Variants in RIN3 observed in about 807,000 individuals in gnomAD.
RIN3 encodes Ras and Rab interactor 3.
RIN3 carries 54 observed loss-of-function variants against 76.3 expected under a neutral mutation model. The ratio of observed to expected loss-of-function variants is 0.71; its 90% CI spans 0.57 to 0.89. The LOEUF is 0.89. Ranked by LOEUF, RIN3 falls within the 40% of genes least tolerant of loss-of-function variation. The pLI, the probability that RIN3 is intolerant of heterozygous loss-of-function variation, is 0.00. For missense variants in RIN3, 1,256 were observed against 1,322.1 expected (o/e 0.95, Z 0.78); for synonymous variants, 576 against 564.0 (o/e 1.02, Z -0.30).
At chr14:92,616,037 G>A (rs1885949386) in intron 4 of RIN3, 1 of 153,114 alleles carries the variant, frequency 6.5e-6, no homozygotes, top group Non-Finnish European at 1.5e-5. Flanking sequence ...GGTATGTGTT[G>A]GGGTCCAGCA....
At position 92,659,311 on chromosome 14, in the gene RIN3, A is replaced by G; in HGVS notation, c.2177A>G (p.Asp726Gly). Residue 726 changes from aspartate (D) to glycine (G), a missense_variant, in exon 7 of 10, where the codon GAC becomes GGC. This residue lies in a region of RIN3 where 428 missense variants were observed against 521.2 expected (regional missense o/e 0.82). Transcript: ENST00000216487. Reference protein sequence around the residue: ...QLVILATTTTDLGVTTSVPEV... With the variant: ...QLVILATTTTGLGVTTSVPEV... ...GTGATCCTGGCCACCACCACCACTG[A>G]CCTAGGTGTGACCACCAGCGTGCCG... 3.1e-6 allele frequency: 5 copies of G among 1,613,304 alleles called. No individual in the cohort carries two copies. In the South Asian group the frequency reaches 4.4e-5, roughly 14 times the overall value.
chr14:92,586,245 C>T (rs914752531), intron 3 of RIN3, among the ~76,000 whole-genome samples: 12 of 152,298 alleles, frequency 7.9e-5, no homozygotes, highest in African/African-American at 2.4e-4. Flanking sequence ...GTGTAGTAAG[C>T]ACACCATAAA....
chr14:92,554,424 T>G lies in RIN3; in HGVS notation c.45-1327T>G, dbSNP rs80187745. ...GTCTGTGATCCTCCTTCCCCCACCGTGCTGTGTTGACTCATCCTCATTCTG... is the reference window on the plus strand; with the variant it reads ...GTCTGTGATCCTCCTTCCCCCACCGGGCTGTGTTGACTCATCCTCATTCTG... On this transcript the variant is annotated intron_variant, in intron 1 of 9. Transcript: ENST00000216487. Among the ~76,000 whole-genome samples the G allele has an allele frequency of 6.6e-3, 1,010 of 152,256 alleles. 7 individuals are homozygous for G. The highest frequency in any genetic ancestry group is 0.011 in the Non-Finnish European group (728 of 68,014).
intron 3 of RIN3, among the ~76,000 whole-genome samples, chr14:92,606,712 C>G (rs1885537778): frequency 6.6e-6 from 1 of 152,204 alleles, no homozygotes; most frequent in African/African-American, 2.4e-5. Context: ...ATGAGATACA[C>G]TTCACACCCA....
rs747563893 is a variant in RIN3, at chr14:92,651,837, C to T, written c.788C>T (p.Pro263Leu). The change falls in exon 6 of 10, where the codon CCG becomes CTG. Residue 263 changes from proline to leucine, a missense_variant. Pro to Leu is a moderately conservative substitution (Grantham distance 98). Coordinates refer to ENST00000216487, the MANE Select transcript of RIN3 (RefSeq NM_024832.5). ...GGAAATTGCCCTGCACGCCCTTTGC[C>T]GCCCACCTCTGATGCCACCTCACCC... ...PLGNCPARPL[P>L]PTSDATSPTS... is the part of the protein sequence containing the mutation. 19 of 1,611,878 alleles carry T rather than the reference C, an allele frequency of 1.2e-5. No individual in the cohort carries two copies. The African/African-American group carries it at 1.2e-4, about 10-fold the overall frequency.
chr14:92,660,448 C>G (rs946188879), intron 7 of RIN3, among the ~76,000 whole-genome samples: 1 of 152,128 alleles, frequency 6.6e-6, no homozygotes, highest in Non-Finnish European at 1.5e-5. Context: ...GTTGGCTGGT[C>G]TAGGATGGCC....
intron 2 of RIN3, among the ~76,000 whole-genome samples, chr14:92,558,330 T>C (rs1897659981): frequency 1.3e-5 from 2 of 152,138 alleles, no homozygotes; most frequent in Non-Finnish European, 1.5e-5. Flanking sequence ...GCCCAGGTGA[T>C]GGAGTGAGAC....
intron 1 of RIN3, among the ~76,000 whole-genome samples, chr14:92,528,385 T>G (rs948384947): frequency 1.4e-4 from 22 of 152,240 alleles, no homozygotes; most frequent in Non-Finnish European, 3.1e-4. Context: ...TTCCACTCTC[T>G]GCCTCAGTTT....
At chr14:92,556,982 C>T (rs1232526483) in intron 2 of RIN3, among the ~76,000 whole-genome samples, 1 of 152,076 alleles carries the variant, frequency 6.6e-6, no homozygotes, top group Non-Finnish European at 1.5e-5. Context: ...CTATCTAGTT[C>T]CAAAACATCT....
At chr14:92,627,796 C>T (rs1299824226) in intron 4 of RIN3, among the ~76,000 whole-genome samples, 1 of 152,236 alleles carries the variant, frequency 6.6e-6, no homozygotes, top group Non-Finnish European at 1.5e-5. Flanking sequence ...AATGGGAATC[C>T]TGGGCAAGGC....
chr14:92,527,061 T>G (rs1896752887), intron 1 of RIN3, among the ~76,000 whole-genome samples: 2 of 147,148 alleles, frequency 1.4e-5, no homozygotes, highest in South Asian at 4.4e-4. Context: ...TTTTTTTTTT[T>G]TTTTTTTGAG....
intron 2 of RIN3, among the ~76,000 whole-genome samples, chr14:92,572,626 C>CT (rs1898093428): frequency 6.6e-6 from 1 of 152,194 alleles, no homozygotes. Flanking sequence ...CCTCAAGAGT[C>CT]TAAGACCCCA....
intron 3 of RIN3, among the ~76,000 whole-genome samples, chr14:92,595,995 CTT>C (rs1413174020): frequency 6.6e-6 from 1 of 152,226 alleles, no homozygotes; most frequent in East Asian, 1.9e-4. Context: ...TTCTGTGTCT[CTT>C]TGTGTCCATC....
chr14:92,654,173 G>A (rs1241200459), intron 6 of RIN3, among the ~76,000 whole-genome samples: 3 of 152,078 alleles, frequency 2.0e-5, no homozygotes, highest in East Asian at 1.9e-4. Context: ...AATTAGCCAG[G>A]TGTGGTGGCG....
chr14:92,578,737 A>G (rs1347432581), intron 3 of RIN3, among the ~76,000 whole-genome samples: 1 of 152,154 alleles, frequency 6.6e-6, no homozygotes, highest in Non-Finnish European at 1.5e-5. Flanking sequence ...GGCGAGGGCC[A>G]CAAGACCAAA....
chr14:92,667,896 AAG>A (rs2140160337), intron 7 of RIN3, among the ~76,000 whole-genome samples: 2 of 141,372 alleles, frequency 1.4e-5, no homozygotes, highest in South Asian at 4.7e-4. Flanking sequence ...AAGAGAGCTA[AAG>A]AGAGCTTTCC....
At chr14:92,613,530 T>A (rs1271070540) in intron 3 of RIN3, among the ~76,000 whole-genome samples, 1 of 152,208 alleles carries the variant, frequency 6.6e-6, no homozygotes, top group African/African-American at 2.4e-5. Flanking sequence ...AATATAAAAA[T>A]GAAGCTAATT....
Position 92,643,476 on chromosome 14 carries a change from G to A in RIN3, c.532+2147G>A, listed in dbSNP as rs1887088276. Reference sequence around the variant, plus strand: ...AACTTTGCTTCCCAGAATGTTAGTTGTTGGGCTCCAACCCTCCCAGGATCT... The same window carrying A: ...AACTTTGCTTCCCAGAATGTTAGTTATTGGGCTCCAACCCTCCCAGGATCT... On this transcript the variant is annotated intron_variant, in intron 5 of 9. Coordinates refer to ENST00000216487, the MANE Select transcript of RIN3 (RefSeq NM_024832.5). This position sits in a 1 kb window ranked among gnomAD's most constrained non-coding sequence, Gnocchi z 4.8. 6.6e-6 allele frequency among the ~76,000 whole-genome samples: 1 copy of A among 152,228 alleles called. No individual in the cohort carries two copies. The highest frequency in any genetic ancestry group is 1.5e-5 in the Non-Finnish European group (1 of 68,034).
chr14:92,621,407 C>A (rs1886178279), intron 4 of RIN3, among the ~76,000 whole-genome samples: 1 of 152,018 alleles, frequency 6.6e-6, no homozygotes, highest in Non-Finnish European at 1.5e-5. Flanking sequence ...GTCCTGAGAA[C>A]ATGTGCCCAA....
Sources: gnomAD v4.1 joint callset for allele counts (sites outside exome capture counted in the v4.1 genomes callset) on GRCh38, gnomAD v4.1.1 for gene constraint, gnomAD v4.1.1 regional missense constraint, Gnocchi (gnomAD v3.1) non-coding constraint, MANE v1.5 for transcripts, NCBI Gene and HGNC (gene_info 2026-07-23, HGNC 2026-07-21) for gene names.